The following PSMD14 variants were observed in gnomAD, a reference collection of about 807,000 sequenced individuals.
PSMD14 encodes the protein proteasome 26S subunit, non-ATPase 14, also known as ubiquitin C-terminal hydrolase PSMD14.
In PSMD14, 7 loss-of-function variants were observed where a neutral mutation model predicts 41.2. That is an observed-to-expected ratio of 0.17 (90% CI 0.10 to 0.32). The LOEUF is 0.32. Ranked by LOEUF, PSMD14 falls within the 10% of genes least tolerant of loss-of-function variation. PSMD14 has a pLI of 1.00. For missense variants in PSMD14, 139 were observed against 375.6 expected, an observed-to-expected ratio of 0.37 and a Z score of 5.21; for synonymous variants, 114 against 122.3, an observed-to-expected ratio of 0.93 and a Z score of 0.45.
chr2:161,403,848 A>C lies in PSMD14; in HGVS notation c.772-4989A>C, dbSNP rs141699977. Among the ~76,000 whole-genome samples, 1,080 of 151,948 alleles carry C rather than the reference A, an allele frequency of 7.1e-3. 5 individuals are homozygous for C. Among genetic ancestry groups the C allele is most frequent in the Non-Finnish European group, 0.013 (862 of 67,970 alleles). On this transcript the variant is annotated intron_variant, in intron 10 of 11. Coordinates refer to ENST00000409682, the MANE Select transcript of PSMD14 (RefSeq NM_005805.6). ...GAGACCCTCACCATACCACCAAATG[A>C]GTGCTATTTACTCCTTCTTTATATG... is the stretch of plus-strand genomic sequence containing the variant.
chr2:161,316,004 G>A (rs1689144250), intron 1 of PSMD14, among the ~76,000 whole-genome samples: 2 of 152,102 alleles, frequency 1.3e-5, no homozygotes, highest in South Asian at 4.1e-4. Flanking sequence ...ACCACGCCTG[G>A]CTAATTTTTT....
chr2:161,396,804 G>GT (rs557643586), intron 10 of PSMD14, among the ~76,000 whole-genome samples: 35 of 152,036 alleles, frequency 2.3e-4, no homozygotes, highest in Non-Finnish European at 4.1e-4. Flanking sequence ...AGGATAAGAG[G>GT]TTTTTTTGAG....
intron 2 of PSMD14, among the ~76,000 whole-genome samples, chr2:161,318,465 A>G (rs553915687): frequency 1.8e-4 from 28 of 152,294 alleles, no homozygotes; most frequent in South Asian, 4.1e-4. Flanking sequence ...AGGAAATTCA[A>G]TCATACATAT....
intron 3 of PSMD14, chr2:161,341,316 G>A (rs1388606277): frequency 2.0e-6 from 2 of 1,018,004 alleles, no homozygotes; most frequent in East Asian, 8.8e-5. Context: ...CAGCTCGGCC[G>A]GCGCCTCCAT....
intron 3 of PSMD14, 76 bp downstream of exon 3, chr2:161,318,949 A>C (rs2105230774): frequency 5.1e-6 from 6 of 1,186,216 alleles, no homozygotes; most frequent in Non-Finnish European, 7.2e-6. Flanking sequence ...AGAGAAAGAA[A>C]TTATCCCCAA....
chr2:161,334,857 G>T (rs929726206), intron 3 of PSMD14, among the ~76,000 whole-genome samples: 1 of 152,234 alleles, frequency 6.6e-6, no homozygotes, highest in African/African-American at 2.4e-5. Flanking sequence ...GAGCCATCAC[G>T]CCTGCCGTTT....
chr2:161,411,158 A>G (rs2105275196), intron 11 of PSMD14, 144 bp from the exon 12 acceptor site: 1 of 516,022 alleles, frequency 1.9e-6, no homozygotes, highest in East Asian at 3.3e-5. Context: ...GAATGTAACA[A>G]TATACTAGTA....
intron 3 of PSMD14, among the ~76,000 whole-genome samples, chr2:161,323,946 CACCTAGGTCTTGGCATCTA>C (rs1232247107): frequency 6.6e-6 from 1 of 152,130 alleles, no homozygotes; most frequent in Non-Finnish European, 1.5e-5. Context: ...ATAACAACTC[CACCTAGGTCTTGGCATCTA>C]AACGATTTCC....
intron 10 of PSMD14, among the ~76,000 whole-genome samples, chr2:161,403,980 A>T (rs531292898): frequency 7.2e-5 from 11 of 151,840 alleles, no homozygotes; most frequent in Admixed American, 2.0e-4. Flanking sequence ...ATCATAGCTC[A>T]CTGCAGTCTT....
chr2:161,318,983 T>C, intron 3 of PSMD14, 110 bp downstream of exon 3: 1 of 783,144 alleles, frequency 1.3e-6, no homozygotes, highest in Non-Finnish European at 2.1e-6. Context: ...CAGATAACTC[T>C]ATGGTAAGAA....
At chr2:161,371,091 C>T (rs913428684) in intron 6 of PSMD14, 81 bp from the exon 7 acceptor site, 64 of 1,437,600 alleles carry the variant, frequency 4.5e-5, no homozygotes, top group Non-Finnish European at 3.3e-5. Flanking sequence ...AATTTATACC[C>T]CGTTAGTGTG....
intron 3 of PSMD14, among the ~76,000 whole-genome samples, chr2:161,334,134 A>G (rs1559040686): frequency 6.6e-6 from 1 of 152,198 alleles, no homozygotes. Flanking sequence ...GGGGTTCGAG[A>G]CCAGCTTGAC....
chr2:161,355,532 C>T (rs540859957), intron 3 of PSMD14, among the ~76,000 whole-genome samples: 1 of 152,110 alleles, frequency 6.6e-6, no homozygotes, highest in East Asian at 1.9e-4. Context: ...CATTTCCATT[C>T]TTATTTTCTT....
chr2:161,343,835 A>C (rs996950145), intron 3 of PSMD14, among the ~76,000 whole-genome samples: 5 of 152,136 alleles, frequency 3.3e-5, no homozygotes, highest in Non-Finnish European at 4.4e-5. Flanking sequence ...CTCAAAAAAA[A>C]AAAAAAATGT....
intron 11 of PSMD14, 48 bp from the exon 12 acceptor site, chr2:161,411,254 A>T: frequency 7.8e-7 from 1 of 1,283,098 alleles, no homozygotes. Context: ...TAATTTATCT[A>T]CCAGTAATAT....
intron 3 of PSMD14, among the ~76,000 whole-genome samples, chr2:161,327,946 CTGTGTGTGTG>C (rs369674882): frequency 6.8e-5 from 8 of 117,176 alleles, no homozygotes; most frequent in East Asian, 2.9e-4. Flanking sequence ...CTCATGTAAG[CTGTGTGTGTG>C]TGTGTGTGTG....
intron 8 of PSMD14, among the ~76,000 whole-genome samples, chr2:161,390,722 T>C (rs888830707): frequency 5.3e-5 from 8 of 152,334 alleles, no homozygotes; most frequent in African/African-American, 1.9e-4. Context: ...AGCTGTGTTA[T>C]TGTGGCTTTT....
intron 10 of PSMD14, among the ~76,000 whole-genome samples, chr2:161,404,036 G>A (rs1479981171): frequency 6.6e-6 from 1 of 151,552 alleles, no homozygotes; most frequent in African/African-American, 2.4e-5. Flanking sequence ...CTCCTGAGTA[G>A]CTAGGACTCC....
intron 6 of PSMD14, 47 bp downstream of exon 6, chr2:161,370,224 T>C (rs776485665): frequency 1.9e-5 from 26 of 1,336,798 alleles, no homozygotes; most frequent in Non-Finnish European, 2.3e-5. Flanking sequence ...GAAATATTTA[T>C]AGAAACATAC....
Sources: allele counts gnomAD v4.1 joint callset (sites outside exome capture counted in the v4.1 genomes callset), GRCh38; gene constraint gnomAD v4.1.1; transcripts MANE v1.5; gene names NCBI Gene and HGNC (gene_info 2026-07-23, HGNC 2026-07-21).